The following SETBP1 variants were observed in gnomAD, a reference collection of about 807,000 sequenced individuals.
SETBP1 encodes the protein SET-binding protein.
In SETBP1, 9 loss-of-function variants were observed where a neutral mutation model predicts 101.0. That is an observed-to-expected ratio of 0.09 (90% CI 0.05 to 0.16). The LOEUF is 0.16. Among genes scored for constraint, SETBP1 ranks in the 10% least tolerant of loss-of-function variants. SETBP1 has a pLI of 1.00. For missense variants in SETBP1, 1,858 were observed against 2,033.8 expected (o/e 0.91, Z 1.66); for synonymous variants, 818 against 788.5 (o/e 1.04, Z -0.63).
chr18:44,756,804 C>G (rs1301491848), intron 2 of SETBP1, among the ~76,000 whole-genome samples: 1 of 152,150 alleles, frequency 6.6e-6, no homozygotes, highest in Non-Finnish European at 1.5e-5. Context: ...GGAGAGCTTG[C>G]TCTCCTGGGC....
chr18:44,740,303 A>C (rs1326592110), intron 2 of SETBP1, among the ~76,000 whole-genome samples: 1 of 152,152 alleles, frequency 6.6e-6, no homozygotes, highest in Non-Finnish European at 1.5e-5. Flanking sequence ...ATTACCTATT[A>C]CACATTGTGG....
intron 1 of SETBP1, among the ~76,000 whole-genome samples, chr18:44,691,045 TG>T (rs1156740088): frequency 1.5e-4 from 23 of 152,166 alleles, no homozygotes; most frequent in African/African-American, 5.6e-4. Context: ...GCAATTCAGA[TG>T]GCACACTGGT....
At chr18:44,748,480 T>C (rs2070310772) in intron 2 of SETBP1, among the ~76,000 whole-genome samples, 1 of 152,230 alleles carries the variant, frequency 6.6e-6, no homozygotes, top group Non-Finnish European at 1.5e-5. Context: ...TCAGTCTCAC[T>C]GCTTTTCCTA....
rs1599420682 is a variant in SETBP1, at chr18:44,991,969, A to T, written c.4000+38629A>T. Among the ~76,000 whole-genome samples, 8 of 152,300 alleles carry T rather than the reference A, an allele frequency of 5.3e-5. 2 individuals are homozygous for T. The highest frequency in any genetic ancestry group is 5.2e-4 in the Admixed American group (8 of 15,304). On this transcript the variant is annotated intron_variant, in intron 4 of 5. Coordinates refer to ENST00000649279, the MANE Select transcript of SETBP1 (RefSeq NM_015559.3). ...AAAGACAATTAGATTAAACCCGGTA[A>T]TCAAAAGATAACATTAAAAGCCCCA...
chr18:44,863,406 G>T (rs1455269588), intron 2 of SETBP1, among the ~76,000 whole-genome samples: 3 of 152,174 alleles, frequency 2.0e-5, no homozygotes, highest in East Asian at 1.9e-4. Flanking sequence ...AGAGTGTGGG[G>T]CTAGTTCATC....
At chr18:44,705,220 C>T (rs1444245588) in intron 2 of SETBP1, among the ~76,000 whole-genome samples, 1 of 152,148 alleles carries the variant, frequency 6.6e-6, no homozygotes, top group Non-Finnish European at 1.5e-5. Flanking sequence ...ATATGTGAGG[C>T]ATATGAAATT....
Position 45,063,401 on chromosome 18 carries a change from C to T in SETBP1, c.4494C>T (p.Pro1498=), listed in dbSNP as rs746027564. ...GCCTGAGCCCGCTGGTGCTGGAGCC[C>T]GCCGCCAGCCAAGACACCATCATGG... ...KPSLSPLVLE[P]AASQDTIMAT... is the part of the protein sequence containing the mutation. The change falls in exon 6 of 6, where the codon CCC becomes CCT. Residue 1498 remains proline, a synonymous_variant. Transcript: ENST00000649279. 3.3e-6 allele frequency: 5 copies of T among 1,538,052 alleles called. No homozygotes were observed. Among genetic ancestry groups the T allele is most frequent in the Middle Eastern group, 1.7e-4 (1 of 5,818 alleles).
intron 3 of SETBP1, among the ~76,000 whole-genome samples, chr18:44,915,327 C>A (rs1359716989): frequency 6.6e-6 from 1 of 152,176 alleles, no homozygotes; most frequent in Non-Finnish European, 1.5e-5. Context: ...AATTATGAAT[C>A]TTTTCTTCCA....
At chr18:44,786,677 C>T (rs780752700) in intron 2 of SETBP1, among the ~76,000 whole-genome samples, 28 of 152,202 alleles carry the variant, frequency 1.8e-4, no homozygotes, top group Non-Finnish European at 3.7e-4. Context: ...CAAAGAGAAA[C>T]TGCCCCGACA....
In SETBP1 at chr18:44,950,488, C is replaced by T. The variant is rs1277242103; in HGVS notation, c.1148C>T (p.Ala383Val). Reference protein sequence around the residue: ...SADSAQEASPARQNVSSASNP... With the variant: ...SADSAQEASPVRQNVSSASNP... ...GATAGTGCCCAAGAGGCATCACCAGCCAGGCAGAACGTGAGTTCTGCCAGT... is the reference window on the plus strand; with the variant it reads ...GATAGTGCCCAAGAGGCATCACCAGTCAGGCAGAACGTGAGTTCTGCCAGT... Residue 383 changes from alanine to valine, a missense_variant, in exon 4 of 6, where the codon GCC becomes GTC. By Grantham distance (64) the Ala-to-Val change is moderately conservative. Coordinates refer to ENST00000649279, the MANE Select transcript of SETBP1 (RefSeq NM_015559.3). 4 of 1,614,138 alleles carry T rather than the reference C, an allele frequency of 2.5e-6. No individual in the cohort carries two copies. Among genetic ancestry groups the T allele is most frequent in the Non-Finnish European group, 3.4e-6 (4 of 1,180,030 alleles).
At chr18:44,830,177 T>A (rs1272268529) in intron 2 of SETBP1, among the ~76,000 whole-genome samples, 2 of 152,184 alleles carry the variant, frequency 1.3e-5, no homozygotes, top group African/African-American at 4.8e-5. Flanking sequence ...TCATTGAGAA[T>A]CCACAAAAGG....
chr18:45,059,446 A>G (rs1341738503), intron 5 of SETBP1, among the ~76,000 whole-genome samples: 1 of 152,140 alleles, frequency 6.6e-6, no homozygotes, highest in Non-Finnish European at 1.5e-5. Flanking sequence ...TTGTCATCCA[A>G]ATAAGGTCCT....
At chr18:44,976,966 G>T (rs1055103920) in intron 4 of SETBP1, among the ~76,000 whole-genome samples, 1 of 152,186 alleles carries the variant, frequency 6.6e-6, no homozygotes, top group African/African-American at 2.4e-5. Context: ...GGGGAAAATT[G>T]TGTCTATTCT....
intron 4 of SETBP1, among the ~76,000 whole-genome samples, chr18:45,035,993 A>G (rs1424267500): frequency 6.6e-6 from 1 of 152,228 alleles, no homozygotes; most frequent in Non-Finnish European, 1.5e-5. Context: ...AAAGGAATGA[A>G]AAGTTTAATA....
chr18:45,036,217 C>T (rs192823769), intron 4 of SETBP1, among the ~76,000 whole-genome samples: 2 of 151,752 alleles, frequency 1.3e-5, no homozygotes, highest in Non-Finnish European at 2.9e-5. Context: ...CCTGTAGTCC[C>T]AGCTACTCGG....
chr18:44,876,561 C>A lies in SETBP1; in HGVS notation c.540+7278C>A, dbSNP rs1568195279. The A allele has an allele frequency of 1.9e-6, 3 of 1,547,994 alleles. No homozygotes were observed. The highest frequency in any genetic ancestry group is 2.4e-5 in the South Asian group (2 of 83,904). On this transcript the variant is annotated intron_variant, in intron 3 of 5. Coordinates refer to ENST00000649279, the MANE Select transcript of SETBP1 (RefSeq NM_015559.3). ...AAATCTAAGTCAGCCTCCTCATTTT[C>A]TAGATTAAAGACTCCAGTAAGGAGG...
chr18:44,697,200 G>A (rs557717130), intron 1 of SETBP1: 1 of 152,338 alleles, frequency 6.6e-6, no homozygotes, highest in East Asian at 1.9e-4. Flanking sequence ...GCGCATTTTG[G>A]CAGGGCTGAA....
At chr18:44,841,320 G>A (rs2072611698) in intron 2 of SETBP1, among the ~76,000 whole-genome samples, 1 of 152,176 alleles carries the variant, frequency 6.6e-6, no homozygotes, top group Non-Finnish European at 1.5e-5. Flanking sequence ...GAGTTGTTGG[G>A]TTCTCACAAC....
rs2145112707 is a variant in SETBP1, at chr18:44,952,781, C to T, written c.3441C>T (p.Leu1147=). The stretch of plus-strand genomic sequence containing the variant: ...GTGCCAGTCTGTCCAGTGGTCGGCT[C>T]CATAAGAGGAAACACAAACACAAGC... The part of the protein sequence containing the change: ...VGSASLSSGR[L]HKRKHKHKHK... Residue 1147 remains leucine (L), a synonymous_variant, in exon 4 of 6, where the codon CTC becomes CTT. Coordinates refer to ENST00000649279, the MANE Select transcript of SETBP1 (RefSeq NM_015559.3). 3.1e-6 allele frequency: 5 copies of T among 1,614,056 alleles called. No homozygotes were observed. The East Asian group carries it at 8.9e-5, about 29-fold the overall frequency.
Sources: gnomAD v4.1 joint callset for allele counts (sites outside exome capture counted in the v4.1 genomes callset) on GRCh38, gnomAD v4.1.1 for gene constraint, MANE v1.5 for transcripts, NCBI Gene and HGNC (gene_info 2026-07-23, HGNC 2026-07-21) for gene names.